Variants in CAMKK1 observed in about 807,000 individuals in gnomAD.
CAMKK1 encodes the protein calcium/calmodulin-dependent protein kinase kinase 1.
In CAMKK1, 20 loss-of-function variants were observed where a neutral mutation model predicts 63.5. That is an observed-to-expected ratio of 0.32 (90% CI 0.22 to 0.46). The LOEUF is 0.46. Among genes scored for constraint, CAMKK1 ranks in the 20% least tolerant of loss-of-function variants. CAMKK1 has a pLI of 1.00. For synonymous variants in CAMKK1, 253 were observed against 269.0 expected (o/e 0.94, Z 0.58); for missense variants, 588 against 658.1 (o/e 0.89, Z 1.17).
At position 3,882,161 on chromosome 17, in the gene CAMKK1, G is replaced by T; in HGVS notation, c.685+367C>A. ...TTTACTCTTCACAGGAACCCTATGA[G>T]GTAGACACCACTAGTATCCCTGTTT... On this transcript the variant is annotated intron_variant, in intron 7 of 15. Coordinates refer to ENST00000348335, the MANE Select transcript of CAMKK1 (RefSeq NM_032294.3). The surrounding 1 kb of genome is among the most constrained non-coding windows in gnomAD (Gnocchi z 4.3). The T allele has an allele frequency of 1.3e-6, 1 of 789,950 alleles. No homozygotes were observed. Among genetic ancestry groups the T allele is most frequent in the Non-Finnish European group, 2.1e-6 (1 of 474,570 alleles). The allele number at this position is 789,950 out of a possible 1,614,324, so 48.9% of individuals were successfully genotyped here.
chr17:3,881,524 G>A, intron 8 of CAMKK1, 103 bp downstream of exon 8: 1 of 1,176,042 alleles, frequency 8.5e-7, no homozygotes, highest in Non-Finnish European at 1.2e-6. Flanking sequence ...CTCCGTCTCT[G>A]ACTTCTCCTA....
At chr17:3,866,145 G>A in intron 14 of CAMKK1, 134 bp from the exon 15 acceptor site, 1 of 1,079,222 alleles carries the variant, frequency 9.3e-7, no homozygotes, top group Non-Finnish European at 1.3e-6. Context: ...AGCATGAAAT[G>A]GCAGAGGCAA....
intron 1 of CAMKK1, among the ~76,000 whole-genome samples, chr17:3,891,883 A>G (rs2055916041): frequency 1.3e-5 from 2 of 151,682 alleles, no homozygotes. Context: ...GGTTGTGAGC[A>G]GGGGAGTGCC....
Position 3,882,663 on chromosome 17 carries a change from G to A in CAMKK1, c.649-99C>T, listed in dbSNP as rs926440189. 1.4e-5 allele frequency: 16 copies of A among 1,105,886 alleles called. No individual in the cohort carries two copies. In the African/African-American group the frequency reaches 2.5e-4, roughly 17 times the overall value. The allele number at this position is 1,105,886 out of a possible 1,614,324, so 68.5% of individuals were successfully genotyped here. ...TTGCCAGCCCCAGAACCCTTAGTATGCATGCAACCACCCCAGACAAGGAAG... is the reference window on the plus strand; with the variant it reads ...TTGCCAGCCCCAGAACCCTTAGTATACATGCAACCACCCCAGACAAGGAAG... On this transcript the variant is annotated intron_variant, in intron 6 of 15. Transcript: ENST00000348335. This position sits in a 1 kb window ranked among gnomAD's most constrained non-coding sequence, Gnocchi z 4.3.
rs545615686 is a variant in CAMKK1, at chr17:3,862,294, G to C, written c.1446-11C>G. ...CCAAACCCTTCTTTCCTGTTCAGGG[G>C]ACACCAGGGACAGAGGGACCTCAGG... On this transcript the variant is annotated splice_polypyrimidine_tract_variant and intron_variant, in intron 15 of 15. Coordinates refer to ENST00000348335, the MANE Select transcript of CAMKK1 (RefSeq NM_032294.3). The surrounding 1 kb of genome is among the most constrained non-coding windows in gnomAD (Gnocchi z 4.1). 1.3e-6 allele frequency: 2 copies of C among 1,567,834 alleles called. No individual in the cohort carries two copies. Among genetic ancestry groups the C allele is most frequent in the Admixed American group, 3.7e-5 (2 of 53,738 alleles).
chr17:3,883,613 G>A lies in CAMKK1; in HGVS notation c.463-133C>T, dbSNP rs758642. 0.34 allele frequency: 283,635 copies of A among 842,248 alleles called. 49,239 individuals carry two copies. Among genetic ancestry groups the A allele is most frequent in the Middle Eastern group, 0.39 (1,609 of 4,144 alleles). The allele number at this position is 842,248 out of a possible 1,614,324, so 52.2% of individuals were successfully genotyped here. On this transcript the variant is annotated intron_variant, in intron 4 of 15. Coordinates refer to ENST00000348335, the MANE Select transcript of CAMKK1 (RefSeq NM_032294.3). This position sits in a 1 kb window ranked among gnomAD's most constrained non-coding sequence, Gnocchi z 4.7. ...GGCCCTGAGGGTGTGGCCCAGGTAAGTGTTAAGCGGGGTTGGGGGTGGCCA... is the reference window on the plus strand; with the variant it reads ...GGCCCTGAGGGTGTGGCCCAGGTAAATGTTAAGCGGGGTTGGGGGTGGCCA...
rs1349986357 is a variant in CAMKK1 at position 3,883,799 on chromosome 17, T to C, written c.462+85A>G. On this transcript the variant is annotated intron_variant, in intron 4 of 15. Transcript: ENST00000348335. The surrounding 1 kb of genome is among the most constrained non-coding windows in gnomAD (Gnocchi z 4.7). The stretch of plus-strand genomic sequence containing the variant: ...CTCACTCTCAGGCAGCCCTGTCCTC[T>C]ATCTCCTAAGCACAACTCCTGCCCC... 1.4e-6 allele frequency: 2 copies of C among 1,388,388 alleles called. No homozygotes were observed. Among genetic ancestry groups the C allele is most frequent in the Non-Finnish European group, 2.0e-6 (2 of 978,656 alleles). 86.0% of individuals were successfully genotyped at this position (1,388,388 alleles called of 1,614,324 possible).
In CAMKK1 at chr17:3,883,423, A is replaced by G; in HGVS notation, c.514+6T>C. ...GCTCCCAGGGACAGGATCAGAAGAT[A>G]CATACGTGGAAAGCCATACTGCTTC... On this transcript the variant is annotated splice_donor_region_variant and intron_variant, in intron 5 of 15. Coordinates refer to ENST00000348335, the MANE Select transcript of CAMKK1 (RefSeq NM_032294.3). The surrounding 1 kb of genome is among the most constrained non-coding windows in gnomAD (Gnocchi z 4.7). 6.2e-7 allele frequency: 1 copy of G among 1,612,746 alleles called. No individual in the cohort carries two copies. Among genetic ancestry groups the G allele is most frequent in the Non-Finnish European group, 8.5e-7 (1 of 1,178,720 alleles).
chr17:3,869,016 T>G (rs1039294747), intron 14 of CAMKK1, among the ~76,000 whole-genome samples: 28 of 149,838 alleles, frequency 1.9e-4, no homozygotes, highest in Admixed American at 1.1e-3. Context: ...TGGCCCAGGC[T>G]GGAGTGCAGT....
intron 1 of CAMKK1, among the ~76,000 whole-genome samples, chr17:3,888,324 C>T (rs2055745942): frequency 6.6e-6 from 1 of 152,128 alleles, no homozygotes; most frequent in Admixed American, 6.5e-5. Flanking sequence ...GGAGGCCCAG[C>T]GGGTGGGGAT....
chr17:3,864,286 G>A lies in CAMKK1; in HGVS notation c.1445+1622C>T, dbSNP rs1351659649. 5.3e-5 allele frequency among the ~76,000 whole-genome samples: 8 copies of A among 149,786 alleles called. No individual in the cohort carries two copies. The East Asian group carries it at 1.4e-3, about 26-fold the overall frequency. Reference sequence around the variant, plus strand: ...TTTTGAGACGGAGTCTCACTCTGTCGCCCAGGCTGGAGTGCAGTGGCGTGA... The same window carrying A: ...TTTTGAGACGGAGTCTCACTCTGTCACCCAGGCTGGAGTGCAGTGGCGTGA... On this transcript the variant is annotated intron_variant, in intron 15 of 15. Transcript: ENST00000348335.
Position 3,869,847 on chromosome 17 carries a change from A to G in CAMKK1, c.1166T>C (p.Met389Thr), listed in dbSNP as rs2054760186. 2 of 1,614,068 alleles carry G rather than the reference A, an allele frequency of 1.2e-6. No homozygotes were observed. Among genetic ancestry groups the G allele is most frequent in the African/African-American group, 1.3e-5 (1 of 74,910 alleles). Residue 389 changes from methionine to threonine, a missense_variant, in exon 13 of 16, where the codon ATG (methionine) becomes ACG (threonine). By Grantham distance (81) the Met-to-Thr change is moderately conservative (BLOSUM62 -1). Coordinates refer to ENST00000348335, the MANE Select transcript of CAMKK1 (RefSeq NM_032294.3). ...TCTCGTCTCGGGATTCTTGTCTAAC[A>G]TCTTCAGGATCAGGTCCTTGAGCTC... ...SEELKDLILK[M>T]LDKNPETRIG...
In CAMKK1 at chr17:3,869,595, C is replaced by T. The variant is rs1370829076; in HGVS notation, c.1233G>A (p.Lys411=). 3 of 1,614,222 alleles carry T rather than the reference C, an allele frequency of 1.9e-6. No homozygotes were observed. Among genetic ancestry groups the T allele is most frequent in the Admixed American group, 1.7e-5 (1 of 60,030 alleles). The part of the protein sequence containing the change: ...PDIKLHPWVT[K]NGEEPLPSEE... The stretch of plus-strand genomic sequence containing the variant: ...CCGAAGGAAGGGGCTCCTCCCCGTT[C>T]TTGGTCACCCAAGGGTGCAACTGTC... The change falls in exon 14 of 16, where the codon AAG becomes AAA. Residue 411 remains lysine (K), a synonymous_variant. Coordinates refer to ENST00000348335, the MANE Select transcript of CAMKK1 (RefSeq NM_032294.3).
At chr17:3,881,227 G>T (rs896842760) in intron 8 of CAMKK1, among the ~76,000 whole-genome samples, 6 of 152,188 alleles carry the variant, frequency 3.9e-5, no homozygotes, top group African/African-American at 1.4e-4. Context: ...TCACAAATGG[G>T]AGCAACTGGA....
chr17:3,868,595 G>A (rs905041240), intron 14 of CAMKK1, among the ~76,000 whole-genome samples: 25 of 152,278 alleles, frequency 1.6e-4, no homozygotes, highest in East Asian at 7.7e-4. Context: ...CTGTCTGGAC[G>A]GAATGAAATG....
rs1265182084 is a variant in CAMKK1, at chr17:3,882,365, G to A, written c.685+163C>T. The A allele has an allele frequency of 9.3e-6, 15 of 1,612,598 alleles. No homozygotes were observed. Among genetic ancestry groups the A allele is most frequent in the Non-Finnish European group, 1.1e-5 (13 of 1,178,786 alleles). ...AACTGGATATTCTGGGCCTGGTTCT[G>A]CAGGGCTGGGCAAGGGAATCCAGGG... On this transcript the variant is annotated intron_variant, in intron 7 of 15. Coordinates refer to ENST00000348335, the MANE Select transcript of CAMKK1 (RefSeq NM_032294.3). This position sits in a 1 kb window ranked among gnomAD's most constrained non-coding sequence, Gnocchi z 4.3.
At position 3,892,265 on chromosome 17, in the gene CAMKK1, TC is replaced by T. The variant is rs2055929389; in HGVS notation, c.-44+673del. Among the ~76,000 whole-genome samples the T allele has an allele frequency of 6.6e-6, 1 of 151,036 alleles. No individual in the cohort carries two copies. Among genetic ancestry groups the T allele is most frequent in the Non-Finnish European group, 1.5e-5 (1 of 67,696 alleles). On this transcript the variant is annotated intron_variant, in intron 1 of 15. Coordinates refer to ENST00000348335, the MANE Select transcript of CAMKK1 (RefSeq NM_032294.3). The surrounding 1 kb of genome is among the most constrained non-coding windows in gnomAD (Gnocchi z 7.5). ...TGACCCGCCCTCACACACCACTCCATCCTGTCCTGCACCCCCCACGCAGACA... is the reference window on the plus strand; with the variant it reads ...TGACCCGCCCTCACACACCACTCCATCTGTCCTGCACCCCCCACGCAGACA...
Position 3,876,403 on chromosome 17 carries a change from G to T in CAMKK1, c.816C>A (p.Val272=), listed in dbSNP as rs766837051. The change falls in exon 10 of 16, where the codon GTC becomes GTA. Residue 272 remains valine (V), a synonymous_variant. Transcript: ENST00000348335. ...GGTTGGATGGCTTGATGTCCCTGTGGACGATCTTCTGGCAGTGCACTGCAG... is the reference window on the plus strand; with the variant it reads ...GGTTGGATGGCTTGATGTCCCTGTGTACGATCTTCTGGCAGTGCACTGCAG... ...GLEYLHCQKI[V]HRDIKPSNLL... The T allele has an allele frequency of 6.2e-6, 10 of 1,614,028 alleles. No individual in the cohort carries two copies. The highest frequency in any genetic ancestry group is 7.6e-6 in the Non-Finnish European group (9 of 1,180,026).
rs2055707401 is a variant in CAMKK1, at chr17:3,887,581, C to T, written c.-43-1851G>A. 6.6e-6 allele frequency among the ~76,000 whole-genome samples: 1 copy of T among 151,076 alleles called. No individual in the cohort carries two copies. The highest frequency in any genetic ancestry group is 1.5e-5 in the Non-Finnish European group (1 of 67,712). ...TGCGGCTGTGGCACAAGGAGGCCTC[C>T]CTGGAGGAGGTGAGAGGGGACAGGG... On this transcript the variant is annotated intron_variant, in intron 1 of 15. Coordinates refer to ENST00000348335, the MANE Select transcript of CAMKK1 (RefSeq NM_032294.3). This position sits in a 1 kb window ranked among gnomAD's most constrained non-coding sequence, Gnocchi z 6.1.
Sources: gnomAD v4.1 joint callset for allele counts (sites outside exome capture counted in the v4.1 genomes callset) on GRCh38, gnomAD v4.1.1 for gene constraint, Gnocchi (gnomAD v3.1) non-coding constraint, MANE v1.5 for transcripts, NCBI Gene and HGNC (gene_info 2026-07-23, HGNC 2026-07-21) for gene names.